The following LYRM7 variants were observed in gnomAD, a reference collection of about 807,000 sequenced individuals.
The protein encoded by LYRM7 is complex III assembly factor LYRM7.
LYRM7 carries 9 observed loss-of-function variants against 15.8 expected under a neutral mutation model. The ratio of observed to expected loss-of-function variants is 0.57; its 90% CI spans 0.34 to 0.99. LYRM7 has a LOEUF of 0.99. Ranked by LOEUF, LYRM7 falls within the 50% of genes least tolerant of loss-of-function variation. The pLI is 0.02. For missense variants in LYRM7, 115 were observed against 119.1 expected, an observed-to-expected ratio of 0.97 and a Z score of 0.16; for synonymous variants, 39 against 39.4, an observed-to-expected ratio of 0.99 and a Z score of 0.04.
At chr5:131,192,032 TACACACAC>T (rs60867142) in intron 4 of LYRM7, among the ~76,000 whole-genome samples, 4,846 of 127,706 alleles carry the variant, frequency 0.038, 199 homozygotes, top group African/African-American at 0.091. Flanking sequence ...ATGTGGTGCA[TACACACAC>T]ACACACACAC....
At chr5:131,193,285 T>C (rs895621257) in intron 4 of LYRM7, among the ~76,000 whole-genome samples, 51 of 152,168 alleles carry the variant, frequency 3.4e-4, no homozygotes, top group Non-Finnish European at 4.9e-4. Context: ...GATAGAACAA[T>C]GGGCAAGACA....
chr5:131,193,004 T>G (rs188848082), intron 4 of LYRM7, among the ~76,000 whole-genome samples: 2 of 152,226 alleles, frequency 1.3e-5, no homozygotes, highest in Middle Eastern at 3.2e-3. Context: ...CGGGTCATTA[T>G]TTTTTACGGT....
intron 4 of LYRM7, 75 bp from the exon 5 acceptor site, chr5:131,199,456 G>A (rs141566404): frequency 5.0e-6 from 5 of 990,652 alleles, no homozygotes; most frequent in African/African-American, 5.0e-5. Flanking sequence ...TTAAATTTTA[G>A]GGGGAAATGA....
intron 4 of LYRM7, among the ~76,000 whole-genome samples, chr5:131,189,904 G>A (rs549762440): frequency 6.6e-6 from 1 of 152,078 alleles, no homozygotes; most frequent in Non-Finnish European, 1.5e-5. Context: ...AGGCTGAGGT[G>A]GGCAAATCAC....
chr5:131,174,798 C>T (rs556260927), intron 1 of LYRM7, among the ~76,000 whole-genome samples: 18 of 152,144 alleles, frequency 1.2e-4, no homozygotes, highest in Admixed American at 6.5e-4. Context: ...AAGCCATGAT[C>T]GTACCACTGC....
At chr5:131,184,092 C>T (rs1755755684) in intron 3 of LYRM7, among the ~76,000 whole-genome samples, 1 of 151,996 alleles carries the variant, frequency 6.6e-6, no homozygotes, top group Non-Finnish European at 1.5e-5. Flanking sequence ...GCCTCATCCT[C>T]CTGAGTAGCT....
chr5:131,193,766 G>A (rs1003498373), intron 4 of LYRM7, among the ~76,000 whole-genome samples: 1 of 152,102 alleles, frequency 6.6e-6, no homozygotes, highest in Non-Finnish European at 1.5e-5. Flanking sequence ...CCAGCACTTG[G>A]TGGGAGGCTG....
intron 4 of LYRM7, among the ~76,000 whole-genome samples, chr5:131,198,344 T>C (rs997721775): frequency 2.5e-4 from 38 of 152,306 alleles, no homozygotes; most frequent in African/African-American, 8.4e-4. Flanking sequence ...CAGTATCCTA[T>C]TGGGGATCAC....
intron 4 of LYRM7, among the ~76,000 whole-genome samples, chr5:131,188,800 T>C (rs1046052071): frequency 6.6e-6 from 1 of 152,174 alleles, no homozygotes; most frequent in Non-Finnish European, 1.5e-5. Context: ...TAAAGAAATC[T>C]TTGACTAGCT....
At chr5:131,191,773 G>A (rs2149664643) in intron 4 of LYRM7, among the ~76,000 whole-genome samples, 2 of 152,058 alleles carry the variant, frequency 1.3e-5, no homozygotes, top group East Asian at 3.9e-4. Context: ...GGAGAAAGGA[G>A]AACTCTTATA....
intron 4 of LYRM7, among the ~76,000 whole-genome samples, chr5:131,191,039 A>T (rs962499975): frequency 2.0e-5 from 3 of 151,902 alleles, no homozygotes; most frequent in Non-Finnish European, 4.4e-5. Context: ...TATTATTTAG[A>T]TTTCTTTTTA....
At chr5:131,177,888 TTCCTC>T (rs1755625624) in intron 1 of LYRM7, among the ~76,000 whole-genome samples, 2 of 152,178 alleles carry the variant, frequency 1.3e-5, no homozygotes, top group African/African-American at 4.8e-5. Context: ...TTTCTTATCT[TTCCTC>T]TCCTCAATTT....
Position 131,197,535 on chromosome 5 carries a change from T to C in LYRM7, c.245-1996T>C, listed in dbSNP as rs148960768. Among the ~76,000 whole-genome samples, 381 of 138,168 alleles carry C rather than the reference T, an allele frequency of 2.8e-3. 2 individuals carry two copies. Among genetic ancestry groups the C allele is most frequent in the African/African-American group, 9.7e-3 (364 of 37,518 alleles). The allele number at this position is 138,168 out of a possible 152,430, so 90.6% of individuals were successfully genotyped here. ...GGGTTGAATTTGTTTTAGTGTTGTCTTCTGTCTTTTTTTTTTTTTTTTTTT... is the reference window on the plus strand; with the variant it reads ...GGGTTGAATTTGTTTTAGTGTTGTCCTCTGTCTTTTTTTTTTTTTTTTTTT... On this transcript the variant is annotated intron_variant, in intron 4 of 4. Coordinates refer to ENST00000379380, the MANE Select transcript of LYRM7 (RefSeq NM_181705.4).
At chr5:131,196,450 G>GA (rs1755967181) in intron 4 of LYRM7, among the ~76,000 whole-genome samples, 1 of 152,098 alleles carries the variant, frequency 6.6e-6, no homozygotes, top group Non-Finnish European at 1.5e-5. Flanking sequence ...TTACTTCCAA[G>GA]AAAGTCATTG....
intron 1 of LYRM7, among the ~76,000 whole-genome samples, chr5:131,176,658 T>C (rs1241202111): frequency 6.6e-6 from 1 of 152,160 alleles, no homozygotes; most frequent in Non-Finnish European, 1.5e-5. Context: ...GGGCTTCTAG[T>C]GAACCCATCA....
intron 3 of LYRM7, among the ~76,000 whole-genome samples, chr5:131,182,527 T>A (rs1004199726): frequency 3.2e-4 from 48 of 152,128 alleles, no homozygotes; most frequent in African/African-American, 1.1e-3. Context: ...ATAGCCATGA[T>A]CAAAGCCAGA....
chr5:131,196,477 G>A (rs1755967550), intron 4 of LYRM7, among the ~76,000 whole-genome samples: 1 of 152,030 alleles, frequency 6.6e-6, no homozygotes, highest in Non-Finnish European at 1.5e-5. Context: ...TGTTTAAAAG[G>A]AGCAGGCTGA....
At chr5:131,180,587 T>C (rs1755675274) in intron 2 of LYRM7, among the ~76,000 whole-genome samples, 1 of 152,190 alleles carries the variant, frequency 6.6e-6, no homozygotes, top group East Asian at 1.9e-4. Flanking sequence ...TCTCCCTGTT[T>C]TAAGTAGTTT....
chr5:131,189,314 G>C (rs1755847821), intron 4 of LYRM7, among the ~76,000 whole-genome samples: 1 of 151,604 alleles, frequency 6.6e-6, no homozygotes, highest in African/African-American at 2.4e-5. Context: ...ATGGTGGTGG[G>C]CACCTATGGT....
Sources: gnomAD v4.1 joint callset for allele counts (sites outside exome capture counted in the v4.1 genomes callset) on GRCh38, gnomAD v4.1.1 for gene constraint, MANE v1.5 for transcripts, NCBI Gene and HGNC (gene_info 2026-07-23, HGNC 2026-07-21) for gene names.